The following B4GALNT3 variants were observed in gnomAD, a reference collection of about 807,000 sequenced individuals.
B4GALNT3 encodes the protein beta-1,4-N-acetylgalactosaminyltransferase 3.
Under a neutral mutation model 120.2 loss-of-function variants are expected in B4GALNT3, and 86 were observed. That is an observed-to-expected ratio of 0.72 (90% CI 0.60 to 0.86). The LOEUF is 0.86. Among genes scored for constraint, B4GALNT3 ranks in the 40% least tolerant of loss-of-function variants. The pLI is 0.00. For missense variants in B4GALNT3, 1,167 were observed against 1,298.9 expected, an observed-to-expected ratio of 0.90 and a Z score of 1.56; for synonymous variants, 518 against 510.4, an observed-to-expected ratio of 1.01 and a Z score of -0.20.
intron 9 of B4GALNT3, among the ~76,000 whole-genome samples, chr12:549,072 C>T (rs534472142): frequency 1.3e-5 from 2 of 152,162 alleles, no homozygotes; most frequent in Non-Finnish European, 2.9e-5. Flanking sequence ...TTTTCCATTT[C>T]ATATCATTTC....
At chr12:544,475 C>T in intron 4 of B4GALNT3, 41 bp downstream of exon 4, 3 of 1,502,848 alleles carry the variant, frequency 2.0e-6, no homozygotes, top group Non-Finnish European at 2.8e-6. Flanking sequence ...CCCTCCACAC[C>T]TGCCTCCTCT....
intron 14 of B4GALNT3, among the ~76,000 whole-genome samples, chr12:556,018 T>C (rs573719695): frequency 9.7e-4 from 147 of 151,258 alleles, no homozygotes; most frequent in Middle Eastern, 3.4e-3. Flanking sequence ...CTCCTGACCT[T>C]GTGATCCACC....
chr12:493,608 T>G (rs1379017265), intron 1 of B4GALNT3, among the ~76,000 whole-genome samples: 1 of 136,786 alleles, frequency 7.3e-6, no homozygotes, highest in African/African-American at 2.8e-5. Flanking sequence ...TTTTTTTTTT[T>G]GGTTTTTCAC....
intron 14 of B4GALNT3, 71 bp downstream of exon 14, chr12:554,054 C>A (rs1592057399): frequency 3.6e-6 from 4 of 1,101,940 alleles, no homozygotes; most frequent in Non-Finnish European, 4.0e-6. Flanking sequence ...AAGGCAGGGG[C>A]CTAAGGGCTG....
chr12:488,491 G>A (rs1946311626), intron 1 of B4GALNT3, among the ~76,000 whole-genome samples: 1 of 152,094 alleles, frequency 6.6e-6, no homozygotes, highest in African/African-American at 2.4e-5. Flanking sequence ...TTATATATAA[G>A]TGAAATGAAT....
chr12:470,857 A>G (rs887142706), intron 1 of B4GALNT3, among the ~76,000 whole-genome samples: 6 of 151,646 alleles, frequency 4.0e-5, no homozygotes, highest in African/African-American at 1.2e-4. Context: ...TCCTGCCTCA[A>G]TCTCCCGAGT....
intron 14 of B4GALNT3, among the ~76,000 whole-genome samples, chr12:554,343 C>T (rs1287747826): frequency 2.6e-5 from 4 of 152,200 alleles, no homozygotes; most frequent in Non-Finnish European, 5.9e-5. Context: ...AATTAAGACC[C>T]TGCATGTGGG....
intron 1 of B4GALNT3, among the ~76,000 whole-genome samples, chr12:496,648 T>C (rs1946391345): frequency 6.6e-6 from 1 of 152,100 alleles, no homozygotes; most frequent in Non-Finnish European, 1.5e-5. Flanking sequence ...TTAGTACATA[T>C]ACAATGTTGT....
chr12:555,343 G>A (rs113506932), intron 14 of B4GALNT3: 104 of 456,916 alleles, frequency 2.3e-4, no homozygotes, highest in Non-Finnish European at 4.1e-4. Flanking sequence ...CATGTAATGT[G>A]TGGCCTTTAT....
intron 1 of B4GALNT3, among the ~76,000 whole-genome samples, chr12:478,270 AAATT>A (rs375286921): frequency 0.086 from 9,741 of 113,838 alleles, 887 homozygotes; most frequent in African/African-American, 0.23. Flanking sequence ...AAAAAAAAAA[AAATT>A]AGAGGAGGTA....
chr12:500,299 C>T (rs1946426118), intron 1 of B4GALNT3, among the ~76,000 whole-genome samples: 1 of 152,138 alleles, frequency 6.6e-6, no homozygotes, highest in Non-Finnish European at 1.5e-5. Flanking sequence ...ATGAGCCACG[C>T]CCAGCCAGAA....
chr12:500,865 C>CTTTTTTCTTTTTTTTTT (rs1946433460), intron 1 of B4GALNT3, among the ~76,000 whole-genome samples: 1 of 61,830 alleles, frequency 1.6e-5, no homozygotes, highest in Non-Finnish European at 2.7e-5. Context: ...GGCTCCACTG[C>CTTTTTTCTTTTTTTTTT]TTTTTTTTTT....
intron 14 of B4GALNT3, among the ~76,000 whole-genome samples, chr12:555,816 G>A (rs180822660): frequency 7.8e-4 from 118 of 150,802 alleles, no homozygotes; most frequent in African/African-American, 2.6e-3. Context: ...ACGGAGTCTC[G>A]CTCTGTCGCC....
Position 460,318 on chromosome 12 carries a change from G to C in B4GALNT3, c.-59G>C. 1.0e-6 allele frequency: 1 copy of C among 980,672 alleles called. No homozygotes were observed. The allele number at this position is 980,672 out of a possible 1,614,324, so 60.7% of individuals were successfully genotyped here. On this transcript the variant is annotated 5_prime_UTR_variant, in exon 1 of 20. Coordinates refer to ENST00000266383, the MANE Select transcript of B4GALNT3 (RefSeq NM_173593.4). This position sits in a 1 kb window ranked among gnomAD's most constrained non-coding sequence, Gnocchi z 8.0. ...CGCCCTGGGCGCGGGGCCCGGCCGG[G>C]GGGCGGCGGCTCGGGGGGTTGGAGC... is the stretch of plus-strand genomic sequence containing the variant.
Position 460,336 on chromosome 12 carries a change from G to C in B4GALNT3, c.-41G>C, listed in dbSNP as rs1247373016. ...CGGCCGGGGGGCGGCGGCTCGGGGG[G>C]TTGGAGCCCGCGCTGGCGGCGGCCG... On this transcript the variant is annotated 5_prime_UTR_variant, in exon 1 of 20. Coordinates refer to ENST00000266383, the MANE Select transcript of B4GALNT3 (RefSeq NM_173593.4). The surrounding 1 kb of genome is among the most constrained non-coding windows in gnomAD (Gnocchi z 8.0). 1.9e-6 allele frequency: 2 copies of C among 1,033,582 alleles called. No individual in the cohort carries two copies. The highest frequency in any genetic ancestry group is 2.3e-6 in the Non-Finnish European group (2 of 862,598). The allele number at this position is 1,033,582 out of a possible 1,614,324, so 64.0% of individuals were successfully genotyped here.
chr12:530,675 G>A (rs1946797812), intron 1 of B4GALNT3, among the ~76,000 whole-genome samples: 2 of 152,158 alleles, frequency 1.3e-5, no homozygotes, highest in Admixed American at 1.3e-4. Flanking sequence ...TCTCTAAAAT[G>A]GAGAAGACAA....
chr12:470,862 C>T (rs912654127), intron 1 of B4GALNT3, among the ~76,000 whole-genome samples: 1 of 151,968 alleles, frequency 6.6e-6, no homozygotes, highest in African/African-American at 2.4e-5. Context: ...CCTCAATCTC[C>T]CGAGTAGCTG....
chr12:505,807 G>A (rs1406473799), intron 1 of B4GALNT3, among the ~76,000 whole-genome samples: 1 of 152,168 alleles, frequency 6.6e-6, no homozygotes, highest in African/African-American at 2.4e-5. Context: ...GTTGATAGGA[G>A]TTGGGGGAGG....
chr12:543,165 T>C (rs1216416524), intron 3 of B4GALNT3: 1 of 1,289,602 alleles, frequency 7.8e-7, no homozygotes, highest in African/African-American at 1.5e-5. Context: ...AGAGCAGACC[T>C]TGTCCCCAAG....
Sources: allele counts gnomAD v4.1 joint callset (sites outside exome capture counted in the v4.1 genomes callset), GRCh38; gene constraint gnomAD v4.1.1; non-coding constraint Gnocchi (gnomAD v3.1); transcripts MANE v1.5; gene names NCBI Gene and HGNC (gene_info 2026-07-23, HGNC 2026-07-21).